RASGRF1: variants seen among roughly 807,000 people sequenced by gnomAD.
The protein encoded by RASGRF1 is Ras protein specific guanine nucleotide releasing factor 1, also known as ras-specific guanine nucleotide-releasing factor 1.
In RASGRF1, 40 loss-of-function variants were observed where a neutral mutation model predicts 138.7. The ratio of observed to expected loss-of-function variants is 0.29; its 90% CI spans 0.22 to 0.38. The LOEUF is 0.38. Among genes scored for constraint, RASGRF1 ranks in the 10% least tolerant of loss-of-function variants. RASGRF1 has a pLI of 1.00. For synonymous variants in RASGRF1, 614 were observed against 663.2 expected (o/e 0.93, Z 1.14); for missense variants, 1,108 against 1,650.4 (o/e 0.67, Z 5.69).
chr15:79,049,443 G>T, intron 4 of RASGRF1, 53 bp downstream of exon 4: 1 of 1,538,148 alleles, frequency 6.5e-7, no homozygotes, highest in Non-Finnish European at 9.0e-7. Flanking sequence ...ACCCTGGGCT[G>T]GCTCTCTAAA....
intron 5 of RASGRF1, among the ~76,000 whole-genome samples, chr15:79,039,482 T>C (rs2057267590): frequency 6.6e-6 from 1 of 152,166 alleles, no homozygotes; most frequent in Admixed American, 6.5e-5. Context: ...TGTTGTTTTT[T>C]AAGAACATTA....
intron 1 of RASGRF1, among the ~76,000 whole-genome samples, chr15:79,071,373 T>G (rs984222868): frequency 1.3e-5 from 2 of 151,606 alleles, no homozygotes; most frequent in African/African-American, 4.8e-5. Flanking sequence ...TCTTTTTTTT[T>G]TTTTGAGTCA....
chr15:79,077,179 G>A lies in RASGRF1; in HGVS notation c.277-12653C>T, dbSNP rs112744907. On this transcript the variant is annotated intron_variant, in intron 1 of 26. Coordinates refer to ENST00000558480, the MANE Select transcript of RASGRF1 (RefSeq NM_001145648.3). ...TCTATTAATATTCCATAAAACCAGTGTTCCAGGGAGTCCATTTTGGGGCCC... is the reference window on the plus strand; with the variant it reads ...TCTATTAATATTCCATAAAACCAGTATTCCAGGGAGTCCATTTTGGGGCCC... 1.1e-3 allele frequency among the ~76,000 whole-genome samples: 164 copies of A among 152,270 alleles called. 1 individual carries two copies. The highest frequency in any genetic ancestry group is 3.4e-3 in the Middle Eastern group (1 of 294).
In RASGRF1 at chr15:79,046,731, T is replaced by G. The variant is rs1332788899; in HGVS notation, c.878+15A>C. Reference sequence around the variant, plus strand: ...AGTCTCCTTCCTGCCTTGGCCAACCTTTAGGGGTGCTCACCTGTTCAGGAA... The same window carrying G: ...AGTCTCCTTCCTGCCTTGGCCAACCGTTAGGGGTGCTCACCTGTTCAGGAA... On this transcript the variant is annotated intron_variant, in intron 5 of 26. Transcript: ENST00000558480. The surrounding 1 kb of genome is among the most constrained non-coding windows in gnomAD (Gnocchi z 5.3). 6.2e-7 allele frequency: 1 copy of G among 1,613,724 alleles called. No individual in the cohort carries two copies. The highest frequency in any genetic ancestry group is 1.3e-5 in the African/African-American group (1 of 75,058).
intron 13 of RASGRF1, among the ~76,000 whole-genome samples, chr15:79,014,857 C>T (rs1054530035): frequency 6.6e-6 from 1 of 150,870 alleles, no homozygotes; most frequent in Non-Finnish European, 1.5e-5. Flanking sequence ...GCAGAGGTTG[C>T]AGTGAGCTGA....
intron 15 of RASGRF1, among the ~76,000 whole-genome samples, chr15:79,002,868 C>T (rs867644817): frequency 2.0e-5 from 3 of 152,218 alleles, no homozygotes; most frequent in Admixed American, 6.5e-5. Context: ...GGAGAGAAAT[C>T]CTTCCCTCTT....
chr15:79,018,137 A>G (rs1434624388), intron 11 of RASGRF1, among the ~76,000 whole-genome samples: 5 of 152,242 alleles, frequency 3.3e-5, no homozygotes, highest in African/African-American at 1.2e-4. Context: ...CCGGATTCAG[A>G]GCAGGAGAGC....
At chr15:79,036,034 G>A (rs2057217424) in intron 5 of RASGRF1, among the ~76,000 whole-genome samples, 2 of 152,168 alleles carry the variant, frequency 1.3e-5, no homozygotes, top group Middle Eastern at 3.2e-3. Flanking sequence ...CCCCCAACCC[G>A]TTTTCCATCC....
rs147690729 is a variant in RASGRF1, at chr15:78,998,173, C to A, written c.2889G>T (p.Val963=). ...FETNDELKCK[V]IGFLEEVMHD... is the part of the protein sequence containing the mutation. The stretch of plus-strand genomic sequence containing the variant: ...GCATGACTTCTTCCAGGAAGCCGAT[C>A]ACCTTGCATTTGAGCTCATCGTTGG... Residue 963 remains valine, a synonymous_variant, in exon 19 of 27, where the codon GTG becomes GTT. Coordinates refer to ENST00000558480, the MANE Select transcript of RASGRF1 (RefSeq NM_001145648.3). 19 of 1,614,204 alleles carry A rather than the reference C, an allele frequency of 1.2e-5. 1 individual carries two copies. The African/African-American group carries it at 2.0e-4, about 17-fold the overall frequency.
chr15:78,982,517 T>C (rs1337085674), intron 23 of RASGRF1, among the ~76,000 whole-genome samples: 1 of 152,178 alleles, frequency 6.6e-6, no homozygotes, highest in Non-Finnish European at 1.5e-5. Flanking sequence ...TATCCTGTGA[T>C]GCTCCATGGG....
At chr15:79,030,618 C>T (rs1293861189) in intron 8 of RASGRF1, among the ~76,000 whole-genome samples, 1 of 152,208 alleles carries the variant, frequency 6.6e-6, no homozygotes, top group Non-Finnish European at 1.5e-5. Flanking sequence ...CCAGACCTGT[C>T]CCTCCTGCAG....
intron 8 of RASGRF1, among the ~76,000 whole-genome samples, chr15:79,030,716 T>C (rs1278186889): frequency 6.6e-6 from 1 of 152,190 alleles, no homozygotes; most frequent in Non-Finnish European, 1.5e-5. Flanking sequence ...TCTTTCTCTT[T>C]CCACATCAAA....
intron 23 of RASGRF1, among the ~76,000 whole-genome samples, chr15:78,983,443 A>T (rs147110251): frequency 2.0e-5 from 3 of 152,324 alleles, no homozygotes; most frequent in Non-Finnish European, 2.9e-5. Context: ...GGATGGCCAA[A>T]CTCATTCCCT....
intron 3 of RASGRF1, among the ~76,000 whole-genome samples, chr15:79,057,181 T>C (rs2057522536): frequency 6.6e-6 from 1 of 152,114 alleles, no homozygotes; most frequent in Admixed American, 6.5e-5. Flanking sequence ...TGGGGTCCAG[T>C]GTGCGCCCCA....
chr15:79,004,557 TC>T (rs2056629703), intron 14 of RASGRF1, among the ~76,000 whole-genome samples: 1 of 152,212 alleles, frequency 6.6e-6, no homozygotes, highest in South Asian at 2.1e-4. Flanking sequence ...AGAGAGGTCC[TC>T]AGGCATGTTT....
intron 3 of RASGRF1, among the ~76,000 whole-genome samples, chr15:79,051,069 A>G (rs1020538233): frequency 6.6e-6 from 1 of 152,244 alleles, no homozygotes; most frequent in Non-Finnish European, 1.5e-5. Context: ...AAAACACTGC[A>G]GTAATGAAGC....
chr15:78,990,396 T>C (rs1449710813), intron 21 of RASGRF1, 123 bp from the exon 22 acceptor site: 2 of 672,764 alleles, frequency 3.0e-6, no homozygotes, highest in African/African-American at 1.8e-5. Context: ...GGAACAACCT[T>C]CTGCAGAGCC....
chr15:78,963,844 A>G (rs1013250209), intron 26 of RASGRF1, among the ~76,000 whole-genome samples: 4 of 152,248 alleles, frequency 2.6e-5, no homozygotes, highest in Admixed American at 2.0e-4. Flanking sequence ...TGATAAAGAC[A>G]TGGCGATTTT....
intron 3 of RASGRF1, among the ~76,000 whole-genome samples, chr15:79,057,921 C>T (rs1202141378): frequency 6.6e-6 from 1 of 152,210 alleles, no homozygotes; most frequent in Non-Finnish European, 1.5e-5. Context: ...TAATGACCTA[C>T]CAGTGACCCT....
Sources: gnomAD v4.1 joint callset for allele counts (sites outside exome capture counted in the v4.1 genomes callset) on GRCh38, gnomAD v4.1.1 for gene constraint, Gnocchi (gnomAD v3.1) non-coding constraint, MANE v1.5 for transcripts, NCBI Gene and HGNC (gene_info 2026-07-23, HGNC 2026-07-21) for gene names.